Variants in STXBP5L observed in about 807,000 individuals in gnomAD.
STXBP5L encodes the protein syntaxin binding protein 5L.
A neutral mutation model predicts 144.5 loss-of-function variants in STXBP5L; 65 were observed. The observed-to-expected ratio is 0.45, with a 90% confidence interval of 0.37 to 0.55. The LOEUF (loss-of-function observed/expected upper bound fraction) is 0.55. Ranked by LOEUF, STXBP5L falls within the 20% of genes least tolerant of loss-of-function variation. The pLI, the probability that STXBP5L is intolerant of heterozygous loss-of-function variation, is 0.00. For missense variants in STXBP5L, 1,298 were observed against 1,405.5 expected (o/e 0.92, Z 1.22); for synonymous variants, 505 against 469.6 (o/e 1.08, Z -0.97).
At chr3:120,988,019 A>C (rs1455145359) in intron 3 of STXBP5L, among the ~76,000 whole-genome samples, 1 of 150,614 alleles carries the variant, frequency 6.6e-6, no homozygotes, top group Non-Finnish European at 1.5e-5. Context: ...ATCTTGGTTT[A>C]GTTTTTGTAG....
chr3:121,339,394 G>A (rs1404465501), intron 20 of STXBP5L, among the ~76,000 whole-genome samples: 1 of 152,050 alleles, frequency 6.6e-6, no homozygotes, highest in South Asian at 2.1e-4. Flanking sequence ...CAACAAATTA[G>A]ATATAGAAGG....
At chr3:121,089,285 C>G (rs909177057) in intron 5 of STXBP5L, among the ~76,000 whole-genome samples, 1 of 151,360 alleles carries the variant, frequency 6.6e-6, no homozygotes, top group South Asian at 2.1e-4. Context: ...TTTTATTGGT[C>G]TTTTAAAGAA....
At chr3:121,335,672 G>T (rs906919831) in intron 20 of STXBP5L, among the ~76,000 whole-genome samples, 2 of 150,784 alleles carry the variant, frequency 1.3e-5, no homozygotes, top group African/African-American at 4.8e-5. Flanking sequence ...CTGATCTTTG[G>T]ACTCCTTATT....
chr3:120,991,867 C>T (rs1009874306), intron 3 of STXBP5L, among the ~76,000 whole-genome samples: 8 of 152,040 alleles, frequency 5.3e-5, no homozygotes, highest in African/African-American at 7.2e-5. Flanking sequence ...TGTTAAATGA[C>T]GAGTTAATGG....
chr3:121,140,131 T>C (rs2045434820), intron 7 of STXBP5L, among the ~76,000 whole-genome samples: 1 of 142,712 alleles, frequency 7.0e-6, no homozygotes, highest in Non-Finnish European at 1.6e-5. Context: ...GAAGACATAT[T>C]ATAAATGGCC....
chr3:121,309,110 G>A (rs1273837041), intron 19 of STXBP5L, among the ~76,000 whole-genome samples: 1 of 151,860 alleles, frequency 6.6e-6, no homozygotes, highest in Non-Finnish European at 1.5e-5. Flanking sequence ...AAAAACATGA[G>A]ACAGAGAAAA....
chr3:121,113,457 T>A (rs1576992300), intron 5 of STXBP5L, among the ~76,000 whole-genome samples: 1 of 152,124 alleles, frequency 6.6e-6, no homozygotes, highest in East Asian at 1.9e-4. Flanking sequence ...TTAATCAAAA[T>A]TTTCCAACAT....
chr3:121,255,855 A>G (rs1450275273), intron 16 of STXBP5L, among the ~76,000 whole-genome samples: 1 of 152,102 alleles, frequency 6.6e-6, no homozygotes, highest in Non-Finnish European at 1.5e-5. Context: ...CCTATAAACA[A>G]CTGTCCTTCT....
At chr3:121,325,373 G>C (rs1011383464) in intron 20 of STXBP5L, among the ~76,000 whole-genome samples, 1 of 151,980 alleles carries the variant, frequency 6.6e-6, no homozygotes, top group Admixed American at 6.6e-5. Flanking sequence ...TTTCTGGTGA[G>C]AAAACTAAAG....
At chr3:120,988,465 T>G (rs1197002763) in intron 3 of STXBP5L, among the ~76,000 whole-genome samples, 1 of 152,026 alleles carries the variant, frequency 6.6e-6, no homozygotes, top group Non-Finnish European at 1.5e-5. Context: ...GAAAAAACAC[T>G]CTGCTTCACC....
chr3:121,202,681 G>C (rs2048182172), intron 9 of STXBP5L, among the ~76,000 whole-genome samples: 2 of 151,962 alleles, frequency 1.3e-5, no homozygotes, highest in South Asian at 4.2e-4. Context: ...TAAGACTCTT[G>C]GTTGGCAGAC....
At chr3:120,982,019 G>T (rs1163193371) in intron 3 of STXBP5L, among the ~76,000 whole-genome samples, 1 of 152,132 alleles carries the variant, frequency 6.6e-6, no homozygotes, top group Admixed American at 6.5e-5. Flanking sequence ...ATTTGAGCAG[G>T]CTAATTGCCT....
At chr3:121,400,898 A>T (rs559688491) in intron 22 of STXBP5L, among the ~76,000 whole-genome samples, 1 of 152,304 alleles carries the variant, frequency 6.6e-6, no homozygotes, top group Non-Finnish European at 1.5e-5. Context: ...TATGAATAAT[A>T]AAAAAAGTTA....
At chr3:120,950,998 G>A (rs1711181378) in intron 2 of STXBP5L, among the ~76,000 whole-genome samples, 1 of 152,034 alleles carries the variant, frequency 6.6e-6, no homozygotes, top group Admixed American at 6.6e-5. Flanking sequence ...AAATAATGCT[G>A]CATATCTACA....
In STXBP5L at chr3:121,223,010, T is replaced by C. The variant is rs781328776; in HGVS notation, c.964T>C (p.Phe322Leu). 1.2e-6 allele frequency: 2 copies of C among 1,600,790 alleles called. No homozygotes were observed. The highest frequency in any genetic ancestry group is 2.7e-5 in the African/African-American group (2 of 74,028). The change falls in exon 11 of 27, where the codon TTC becomes CTC. Residue 322 changes from phenylalanine to leucine, a missense_variant. Phe to Leu is a conservative substitution (Grantham distance 22). Transcript: ENST00000471454. ...ATGTTTTTTCCTATGTAGCGAACCATTCATAATATTCTCTGGTGGGCTGTC... is the reference window on the plus strand; with the variant it reads ...ATGTTTTTTCCTATGTAGCGAACCACTCATAATATTCTCTGGTGGGCTGTC... ...EYKTCKNSEP[F>L]IIFSGGLSYD...
chr3:121,366,036 G>A (rs2045855638), intron 20 of STXBP5L, among the ~76,000 whole-genome samples: 2 of 151,812 alleles, frequency 1.3e-5, no homozygotes, highest in Non-Finnish European at 3.0e-5. Context: ...GGTTAAGAGA[G>A]TGTTGTTTAA....
At chr3:121,077,080 T>A (rs565225287) in intron 5 of STXBP5L, among the ~76,000 whole-genome samples, 1 of 152,164 alleles carries the variant, frequency 6.6e-6, no homozygotes, top group Admixed American at 6.5e-5. Context: ...CCTGAGACCA[T>A]CTCTTTCACA....
intron 24 of STXBP5L, 94 bp downstream of exon 24, chr3:121,413,417 A>G: frequency 8.7e-7 from 1 of 1,150,252 alleles, no homozygotes; most frequent in Non-Finnish European, 1.2e-6. Context: ...AGGTCAGACA[A>G]TAATTATGCC....
chr3:121,319,420 A>G (rs747741068), intron 20 of STXBP5L, among the ~76,000 whole-genome samples: 2 of 152,162 alleles, frequency 1.3e-5, no homozygotes, highest in Non-Finnish European at 2.9e-5. Context: ...CATTTATTCC[A>G]TCCCTGAAAA....
Sources: gnomAD v4.1 joint callset for allele counts (sites outside exome capture counted in the v4.1 genomes callset) on GRCh38, gnomAD v4.1.1 for gene constraint, MANE v1.5 for transcripts, NCBI Gene and HGNC (gene_info 2026-07-23, HGNC 2026-07-21) for gene names.